Variants in PNPLA7 observed in about 807,000 individuals in gnomAD.
The protein encoded by PNPLA7 is patatin like domain 7, lysophospholipase, also known as patatin-like phospholipase domain-containing protein 7.
PNPLA7 carries 153 observed loss-of-function variants against 161.7 expected under a neutral mutation model. The ratio of observed to expected loss-of-function variants is 0.95; its 90% CI spans 0.83 to 1.08. The LOEUF is 1.08. PNPLA7 is among the 50% of genes least tolerant of loss of function. The probability of loss-of-function intolerance (pLI) is 0.00; values close to 1 mark genes in which losing one functional copy is unlikely to be tolerated. For missense variants in PNPLA7, 1,739 were observed against 1,856.6 expected, an observed-to-expected ratio of 0.94 and a Z score of 1.16; for synonymous variants, 809 against 782.1, an observed-to-expected ratio of 1.03 and a Z score of -0.57.
intron 21 of PNPLA7, among the ~76,000 whole-genome samples, chr9:137,483,948 A>AT (rs1277287399): frequency 1.3e-5 from 2 of 151,924 alleles, no homozygotes; most frequent in East Asian, 3.9e-4. Context: ...TATTATTATT[A>AT]TTTGAGACAG....
chr9:137,461,366 C>G, intron 33 of PNPLA7, 170 bp downstream of exon 33: 2 of 667,576 alleles, frequency 3.0e-6, no homozygotes, highest in Non-Finnish European at 4.8e-6. Flanking sequence ...TGTGGGAACA[C>G]GTGGTGCCCG....
intron 28 of PNPLA7, 95 bp downstream of exon 28, chr9:137,464,031 G>T: frequency 1.5e-6 from 2 of 1,341,634 alleles, no homozygotes; most frequent in Non-Finnish European, 2.1e-6. Flanking sequence ...TCCTTCAGGA[G>T]ACCCCGCGGC....
At position 137,515,514 on chromosome 9, in the gene PNPLA7, C is replaced by T. The variant is rs751716497; in HGVS notation, c.1090G>A (p.Gly364Arg). The T allele has an allele frequency of 1.0e-5, 16 of 1,552,576 alleles. No homozygotes were observed. The highest frequency in any genetic ancestry group is 2.3e-5 in the East Asian group (1 of 43,146). ...RLQESCDSDH[G>R]GGRPAAAGPL... ...CCAGCAGCTGCCGGGCGGCCGCCCC[C>T]GTGATCTGCTGGGGAGGCAGCCGTA... Residue 364 changes from glycine (G) to arginine (R), a missense_variant, in exon 12 of 35, where the codon GGG becomes AGG. Gly to Arg is a moderately radical substitution (Grantham distance 125). Coordinates refer to ENST00000406427, the MANE Select transcript of PNPLA7 (RefSeq NM_001098537.3).
chr9:137,484,838 G>A lies in PNPLA7; in HGVS notation c.2198-102C>T, dbSNP rs913653570. 2.9e-6 allele frequency: 4 copies of A among 1,375,342 alleles called. No homozygotes were observed. In the African/African-American group the frequency reaches 4.5e-5, roughly 16 times the overall value. 85.2% of individuals were successfully genotyped at this position (1,375,342 alleles called of 1,614,324 possible). A position where few individuals can be genotyped will look rare whatever the true frequency, so the allele number is the denominator to read the frequency against. ...GAGGCTGCACAGGAGCAACGCAGCA[G>A]CACCAGAGGCCGCCTGGCCCTCCCG... On this transcript the variant is annotated intron_variant, in intron 20 of 34. Transcript: ENST00000406427.
At chr9:137,530,432 C>G (rs532078411) in intron 8 of PNPLA7, among the ~76,000 whole-genome samples, 7 of 152,358 alleles carry the variant, frequency 4.6e-5, no homozygotes, top group African/African-American at 1.7e-4. Flanking sequence ...TCTTCTGGTG[C>G]TTTTGGAGGA....
chr9:137,510,303 CCT>C (rs1231514864), intron 12 of PNPLA7, among the ~76,000 whole-genome samples: 15 of 148,920 alleles, frequency 1.0e-4, no homozygotes, highest in Admixed American at 5.3e-4. Flanking sequence ...TAACCGTCTC[CCT>C]GTGATGCTGT....
chr9:137,467,835 T>C lies in PNPLA7; in HGVS notation c.2883-362A>G, dbSNP rs1831547686. 6.6e-6 allele frequency among the ~76,000 whole-genome samples: 1 copy of C among 151,908 alleles called. No homozygotes were observed. Among genetic ancestry groups the C allele is most frequent in the Non-Finnish European group, 1.5e-5 (1 of 67,960 alleles). On this transcript the variant is annotated intron_variant, in intron 25 of 34. Transcript: ENST00000406427. This position sits in a 1 kb window ranked among gnomAD's most constrained non-coding sequence, Gnocchi z 5.1. The stretch of plus-strand genomic sequence containing the variant: ...ATCACCTGAACCCAGGAGACAGAGG[T>C]TGCAGTGAGCTGAGATCACACCACT...
chr9:137,514,078 G>A (rs1021234577), intron 12 of PNPLA7, among the ~76,000 whole-genome samples: 23 of 151,458 alleles, frequency 1.5e-4, no homozygotes, highest in Non-Finnish European at 2.4e-4. Context: ...TGACTGTTGA[G>A]GTGCCCGGGC....
intron 21 of PNPLA7, 98 bp from the exon 22 acceptor site, chr9:137,481,121 G>A: frequency 1.5e-6 from 2 of 1,306,688 alleles, no homozygotes; most frequent in East Asian, 2.5e-5. Flanking sequence ...GCCGAGCCAG[G>A]CACCGACGCC....
At position 137,506,004 on chromosome 9, in the gene PNPLA7, G is replaced by A. The variant is rs377762464; in HGVS notation, c.1305C>T (p.Pro435=). 3.1e-5 allele frequency: 50 copies of A among 1,611,996 alleles called. No individual in the cohort carries two copies. The East Asian group carries it at 4.5e-4, about 14-fold the overall frequency. Residue 435 remains proline (P), a synonymous_variant, in exon 13 of 35, where the codon CCC becomes CCT. Coordinates refer to ENST00000406427, the MANE Select transcript of PNPLA7 (RefSeq NM_001098537.3). ...CTACCTTGCTGGCCACGGAGCTCCC[G>A]GGGTGCTCGTCCGAGTGCAGGAAGA... ...ARVFLHSDEH[P]GSSVASKSRK...
At chr9:137,513,247 T>G (rs1175063796) in intron 12 of PNPLA7, among the ~76,000 whole-genome samples, 1 of 152,024 alleles carries the variant, frequency 6.6e-6, no homozygotes, top group Non-Finnish European at 1.5e-5. Flanking sequence ...TCCCAGCACT[T>G]TGGGAGGCTG....
Position 137,499,697 on chromosome 9 carries a change from A to T in PNPLA7, c.1757+994T>A, listed in dbSNP as rs1335278292. The stretch of plus-strand genomic sequence containing the variant: ...ACTGGGCCAGGGCCCCGCTGCCCCC[A>T]CCCCTGCCCCTTGCCCGGCTCGGGG... On this transcript the variant is annotated intron_variant, in intron 16 of 34. Coordinates refer to ENST00000406427, the MANE Select transcript of PNPLA7 (RefSeq NM_001098537.3). The surrounding 1 kb of genome is among the most constrained non-coding windows in gnomAD (Gnocchi z 5.5). Among the ~76,000 whole-genome samples the T allele has an allele frequency of 6.6e-6, 1 of 152,082 alleles. No individual in the cohort carries two copies. Among genetic ancestry groups the T allele is most frequent in the Non-Finnish European group, 1.5e-5 (1 of 68,008 alleles).
rs145967535 is a variant in PNPLA7, at chr9:137,498,041, G to A, written c.1889+73C>T. 439 of 1,565,500 alleles carry A rather than the reference G, an allele frequency of 2.8e-4. No homozygotes were observed. In the African/African-American group the frequency reaches 2.8e-3, roughly 10 times the overall value. ...TCCGTGTGTGGTTTCCACGGTAACC[G>A]TGCTTTGCCCATCCCCAGCTCCTGC... On this transcript the variant is annotated intron_variant, in intron 17 of 34. Transcript: ENST00000406427.
intron 8 of PNPLA7, among the ~76,000 whole-genome samples, chr9:137,534,291 G>A (rs1242754768): frequency 2.0e-5 from 3 of 147,840 alleles, no homozygotes; most frequent in Non-Finnish European, 4.5e-5. Flanking sequence ...CACTCCAGAC[G>A]GGGGCACTCC....
rs745532847 is a variant in PNPLA7 at position 137,462,282 on chromosome 9, A to T, written c.3542T>A (p.Val1181Glu). 11 of 1,611,772 alleles carry T rather than the reference A, an allele frequency of 6.8e-6. No homozygotes were observed. The highest frequency in any genetic ancestry group is 7.6e-6 in the Non-Finnish European group (9 of 1,179,286). Residue 1181 changes from valine (V) to glutamate (E), a missense_variant, in exon 31 of 35, where the codon GTG becomes GAG. This residue lies in a region of PNPLA7 where 703 missense variants were observed against 694.6 expected (regional missense o/e 1.01). Coordinates refer to ENST00000406427, the MANE Select transcript of PNPLA7 (RefSeq NM_001098537.3). ...GCTCTTCACCACCTCCAGCTGCCGCACGCAACACACGTAGGCCAGGCGCGT... is the reference window on the plus strand; with the variant it reads ...GCTCTTCACCACCTCCAGCTGCCGCTCGCAACACACGTAGGCCAGGCGCGT... ...IQTRLAYVCC[V>E]RQLEVVKSSD...
chr9:137,462,575 C>T (rs1831269287), intron 30 of PNPLA7, 110 bp downstream of exon 30: 4 of 1,470,230 alleles, frequency 2.7e-6, no homozygotes, highest in South Asian at 1.3e-5. Context: ...TGGCCCCAGA[C>T]CTGCTGGCCT....
In PNPLA7 at chr9:137,500,918, G is replaced by A; in HGVS notation, c.1552-22C>T. ...CGTCCTGACACACGAGAGGGCTCAG[G>A]AGGCGCCGCGAGTGGCCGCGGGCAG... On this transcript the variant is annotated intron_variant, in intron 15 of 34. Transcript: ENST00000406427. This position sits in a 1 kb window ranked among gnomAD's most constrained non-coding sequence, Gnocchi z 5.5. 6.5e-7 allele frequency: 1 copy of A among 1,542,950 alleles called. No homozygotes were observed. The highest frequency in any genetic ancestry group is 8.7e-7 in the Non-Finnish European group (1 of 1,148,060).
At chr9:137,484,841 C>G in intron 20 of PNPLA7, 105 bp from the exon 21 acceptor site, 1 of 1,358,558 alleles carries the variant, frequency 7.4e-7, no homozygotes, top group Non-Finnish European at 9.8e-7. Context: ...CGCAGCAGCA[C>G]CAGAGGCCGC....
In PNPLA7 at chr9:137,467,883, G is replaced by T. The variant is rs947397961; in HGVS notation, c.2883-410C>A. ...ACTGCACTCCAGCCTGGGAGACAGA[G>T]TGAGACTCTGACTCAAAATAAATAA... is the stretch of plus-strand genomic sequence containing the variant. On this transcript the variant is annotated intron_variant, in intron 25 of 34. Transcript: ENST00000406427. This position sits in a 1 kb window ranked among gnomAD's most constrained non-coding sequence, Gnocchi z 5.1. 1.3e-5 allele frequency among the ~76,000 whole-genome samples: 2 copies of T among 152,178 alleles called. No homozygotes were observed. Among genetic ancestry groups the T allele is most frequent in the African/African-American group, 4.8e-5 (2 of 41,438 alleles).
Sources: gnomAD v4.1 joint callset for allele counts (sites outside exome capture counted in the v4.1 genomes callset) on GRCh38, gnomAD v4.1.1 for gene constraint, gnomAD v4.1.1 regional missense constraint, Gnocchi (gnomAD v3.1) non-coding constraint, MANE v1.5 for transcripts, NCBI Gene and HGNC (gene_info 2026-07-23, HGNC 2026-07-21) for gene names.